Variants in TOX observed in about 807,000 individuals in gnomAD.
The protein encoded by TOX is thymocyte selection associated high mobility group box.
Under a neutral mutation model 53.7 loss-of-function variants are expected in TOX, and 11 were observed. The ratio of observed to expected loss-of-function variants is 0.20; its 90% CI spans 0.13 to 0.34. The LOEUF is 0.34. TOX is among the 10% of genes least tolerant of loss of function. The probability of loss-of-function intolerance (pLI) is 1.00; values close to 1 mark genes in which losing one functional copy is unlikely to be tolerated. For synonymous variants in TOX, 225 were observed against 245.3 expected (o/e 0.92, Z 0.77); for missense variants, 570 against 664.6 (o/e 0.86, Z 1.56).
At chr8:58,914,151 C>T (rs1473619900) in intron 3 of TOX, among the ~76,000 whole-genome samples, 1 of 152,176 alleles carries the variant, frequency 6.6e-6, no homozygotes, top group Non-Finnish European at 1.5e-5. Flanking sequence ...TATCCAGAAG[C>T]AGTGAAGTAT....
intron 3 of TOX, among the ~76,000 whole-genome samples, chr8:58,889,212 C>CAAAAAAAAAAAAAA (rs10556451): frequency 8.7e-6 from 1 of 114,444 alleles, no homozygotes; most frequent in Non-Finnish European, 1.8e-5. Context: ...TTTACAATAG[C>CAAAAAAAAAAAAAA]AAAAAAAAAA....
intron 1 of TOX, among the ~76,000 whole-genome samples, chr8:59,059,946 A>G (rs1478478971): frequency 6.6e-6 from 1 of 151,768 alleles, no homozygotes; most frequent in African/African-American, 2.4e-5. Flanking sequence ...AATCATCTAG[A>G]TTTTTATAGT....
intron 1 of TOX, among the ~76,000 whole-genome samples, chr8:59,062,944 CAAG>C (rs1333692880): frequency 3.9e-4 from 59 of 152,074 alleles, no homozygotes; most frequent in African/African-American, 1.4e-3. Flanking sequence ...ATACCTTTAA[CAAG>C]GAGGTAAAAC....
At chr8:58,939,794 C>A (rs938833668) in intron 2 of TOX, among the ~76,000 whole-genome samples, 1 of 152,176 alleles carries the variant, frequency 6.6e-6, no homozygotes, top group Non-Finnish European at 1.5e-5. Context: ...AAGCTGAACT[C>A]AAACAGATTT....
Position 58,998,497 on chromosome 8 carries a change from A to G in TOX, c.103-38489T>C, listed in dbSNP as rs189332819. On this transcript the variant is annotated intron_variant, in intron 1 of 8. Transcript: ENST00000361421. Reference sequence around the variant, plus strand: ...GAGCCAGACTCCATCTCAAAAGTATATATATATATATATATATATATATAT... The same window carrying G: ...GAGCCAGACTCCATCTCAAAAGTATGTATATATATATATATATATATATAT... Among the ~76,000 whole-genome samples the G allele has an allele frequency of 5.0e-3, 344 of 69,334 alleles. 4 individuals are homozygous for G. The highest frequency in any genetic ancestry group is 0.024 in the African/African-American group (332 of 13,986). 45.5% of individuals were successfully genotyped at this position (69,334 alleles called of 152,430 possible).
chr8:58,978,913 C>T (rs1405393406), intron 1 of TOX, among the ~76,000 whole-genome samples: 3 of 152,150 alleles, frequency 2.0e-5, no homozygotes, highest in Admixed American at 6.5e-5. Flanking sequence ...ACAATTAATG[C>T]TAAGAGGATT....
intron 1 of TOX, among the ~76,000 whole-genome samples, chr8:59,091,445 C>G (rs1804605099): frequency 6.6e-6 from 1 of 151,986 alleles, no homozygotes; most frequent in Non-Finnish European, 1.5e-5. Context: ...TCTATTCACC[C>G]CTTAAAACTT....
chr8:58,983,071 C>T (rs966049694), intron 1 of TOX, among the ~76,000 whole-genome samples: 1 of 152,196 alleles, frequency 6.6e-6, no homozygotes, highest in African/African-American at 2.4e-5. Context: ...ATTTATCCCT[C>T]CTTTGAATCA....
chr8:58,828,965 A>G (rs1585847722), intron 5 of TOX, among the ~76,000 whole-genome samples: 1 of 152,278 alleles, frequency 6.6e-6, no homozygotes, highest in Non-Finnish European at 1.5e-5. Context: ...GCTTTTATTA[A>G]TATGCTACTC....
intron 1 of TOX, among the ~76,000 whole-genome samples, chr8:59,102,882 G>A (rs538270004): frequency 2.6e-5 from 4 of 152,116 alleles, no homozygotes; most frequent in African/African-American, 9.6e-5. Context: ...CCCTATACCT[G>A]CCCCCACTTC....
chr8:59,113,600 C>T (rs1805056102), intron 1 of TOX, among the ~76,000 whole-genome samples: 1 of 152,072 alleles, frequency 6.6e-6, no homozygotes, highest in Non-Finnish European at 1.5e-5. Context: ...GCCGAGGCAA[C>T]CACAATGGTG....
chr8:59,048,074 C>G (rs1257111753), intron 1 of TOX, among the ~76,000 whole-genome samples: 1 of 152,100 alleles, frequency 6.6e-6, no homozygotes, highest in Non-Finnish European at 1.5e-5. Context: ...AAAACAAATA[C>G]GGTTTTCCTG....
chr8:58,822,573 G>C (rs1227552683), intron 6 of TOX, among the ~76,000 whole-genome samples: 1 of 152,228 alleles, frequency 6.6e-6, no homozygotes, highest in Admixed American at 6.5e-5. Context: ...ATGGCAGAAA[G>C]CAGTGCTTTC....
intron 1 of TOX, among the ~76,000 whole-genome samples, chr8:59,006,624 A>C (rs1260482878): frequency 2.0e-5 from 3 of 152,208 alleles, no homozygotes; most frequent in African/African-American, 7.2e-5. Flanking sequence ...GACCTAATAT[A>C]TATCTAATCC....
chr8:59,031,458 C>T (rs368185813), intron 1 of TOX, among the ~76,000 whole-genome samples: 13 of 152,152 alleles, frequency 8.5e-5, no homozygotes, highest in South Asian at 8.3e-4. Context: ...ATGTTCCAGG[C>T]GCTGTTCTAA....
chr8:58,825,813 C>T (rs1449363559), intron 6 of TOX, among the ~76,000 whole-genome samples: 2 of 151,844 alleles, frequency 1.3e-5, no homozygotes, highest in Non-Finnish European at 2.9e-5. Context: ...GAGTTGGTAT[C>T]AACAGAAAAT....
chr8:58,850,643 A>C (rs1810797133), intron 4 of TOX, among the ~76,000 whole-genome samples: 2 of 152,208 alleles, frequency 1.3e-5, no homozygotes, highest in Non-Finnish European at 2.9e-5. Flanking sequence ...AATCTCTAAA[A>C]ATTAGCTAGC....
chr8:58,817,594 A>T (rs1311509005), intron 6 of TOX, among the ~76,000 whole-genome samples: 4 of 152,172 alleles, frequency 2.6e-5, no homozygotes, highest in Non-Finnish European at 5.9e-5. Context: ...CAGAAAGATT[A>T]TGTGTTAAGT....
intron 1 of TOX, among the ~76,000 whole-genome samples, chr8:59,011,991 G>A (rs1028068366): frequency 6.6e-6 from 1 of 152,084 alleles, no homozygotes; most frequent in Non-Finnish European, 1.5e-5. Context: ...GTTACAACAT[G>A]GCCTGACCTG....
Sources: allele counts gnomAD v4.1 joint callset (sites outside exome capture counted in the v4.1 genomes callset), GRCh38; gene constraint gnomAD v4.1.1; transcripts MANE v1.5; gene names NCBI Gene and HGNC (gene_info 2026-07-23, HGNC 2026-07-21).